DSTYK: variants seen among roughly 807,000 people sequenced by gnomAD.
The protein encoded by DSTYK is dual serine/threonine and tyrosine protein kinase, also known as RIP-homologous kinase.
DSTYK carries 34 observed loss-of-function variants against 98.7 expected under a neutral mutation model. That is an observed-to-expected ratio of 0.34 (90% CI 0.26 to 0.46). DSTYK has a LOEUF of 0.46. DSTYK is among the 20% of genes least tolerant of loss of function. DSTYK has a pLI of 1.00. For synonymous variants in DSTYK, 462 were observed against 457.3 expected (o/e 1.01, Z -0.13); for missense variants, 962 against 1,181.7 (o/e 0.81, Z 2.73).
intron 10 of DSTYK, among the ~76,000 whole-genome samples, chr1:205,154,928 C>G (rs1236548018): frequency 6.6e-6 from 1 of 152,114 alleles, no homozygotes; most frequent in Non-Finnish European, 1.5e-5. Context: ...ATCCGTGGAA[C>G]TTGAACTTGA....
chr1:205,202,715 A>G, intron 1 of DSTYK: 1 of 856,194 alleles, frequency 1.2e-6, no homozygotes, highest in Non-Finnish European at 1.9e-6. Context: ...AAGAAACTGA[A>G]GAAACAAAAA....
At position 205,147,758 on chromosome 1, in the gene DSTYK, G is replaced by T. The variant is rs1465894001; in HGVS notation, c.2603-13C>A. On this transcript the variant is annotated splice_polypyrimidine_tract_variant and intron_variant, in intron 12 of 12. Coordinates refer to ENST00000367162, the MANE Select transcript of DSTYK (RefSeq NM_015375.3). ...TCTGGGCGAGCCCCTAGAGAAAGGA[G>T]CATGGAAACAAGATCACAGTGAGAG... 6.2e-7 allele frequency: 1 copy of T among 1,609,568 alleles called. No homozygotes were observed. Among genetic ancestry groups the T allele is most frequent in the African/African-American group, 1.3e-5 (1 of 74,848 alleles).
chr1:205,163,543 T>C (rs1442259926), intron 4 of DSTYK, among the ~76,000 whole-genome samples, 180 bp downstream of exon 4: 2 of 152,084 alleles, frequency 1.3e-5, no homozygotes, highest in Non-Finnish European at 2.9e-5. Flanking sequence ...TAACTGCAGT[T>C]TTACAGCTCA....
rs1657265159 is a variant in DSTYK at position 205,147,296 on chromosome 1, C to G, written c.*262G>C. The G allele has an allele frequency of 2.9e-6, 1 of 339,604 alleles. No individual in the cohort carries two copies. The highest frequency in any genetic ancestry group is 2.0e-5 in the African/African-American group (1 of 49,420). 21.0% of individuals were successfully genotyped at this position (339,604 alleles called of 1,614,324 possible). ...CTTTTCATTTGTGAAGCCAGAACACCACATTCCTCAGCTTTTACACATCTG... is the reference window on the plus strand; with the variant it reads ...CTTTTCATTTGTGAAGCCAGAACACGACATTCCTCAGCTTTTACACATCTG... On this transcript the variant is annotated 3_prime_UTR_variant, in exon 13 of 13. Coordinates refer to ENST00000367162, the MANE Select transcript of DSTYK (RefSeq NM_015375.3).
chr1:205,205,865 C>A (rs919930892), intron 1 of DSTYK, among the ~76,000 whole-genome samples: 24 of 152,186 alleles, frequency 1.6e-4, no homozygotes, highest in Admixed American at 1.1e-3. Context: ...TGTAAGCTCA[C>A]CAAAGGCAAA....
chr1:205,208,615 T>C (rs1659274859), intron 1 of DSTYK, among the ~76,000 whole-genome samples: 1 of 152,196 alleles, frequency 6.6e-6, no homozygotes, highest in South Asian at 2.1e-4. Flanking sequence ...GGCTGATTAC[T>C]GTAATTCCAG....
chr1:205,189,033 A>G (rs878977278), intron 1 of DSTYK, among the ~76,000 whole-genome samples: 3 of 152,210 alleles, frequency 2.0e-5, no homozygotes, highest in African/African-American at 4.8e-5. Flanking sequence ...TGTTACCCAC[A>G]TATCGAAATA....
rs553711272 is a variant in DSTYK, at chr1:205,189,132, T to A, written c.266-1326A>T. Among the ~76,000 whole-genome samples, 8 of 142,148 alleles carry A rather than the reference T, an allele frequency of 5.6e-5. No individual in the cohort carries two copies. In the East Asian group the frequency reaches 1.4e-3, roughly 25 times the overall value. 93.3% of individuals were successfully genotyped at this position (142,148 alleles called of 152,430 possible). Reference sequence around the variant, plus strand: ...ACCCTTACGTTTTGTACAAAAAAAATAAAAAATAAAAATCTAAAACAAAAA... The same window carrying A: ...ACCCTTACGTTTTGTACAAAAAAAAAAAAAAATAAAAATCTAAAACAAAAA... On this transcript the variant is annotated intron_variant, in intron 1 of 12. Transcript: ENST00000367162.
intron 3 of DSTYK, among the ~76,000 whole-genome samples, chr1:205,164,714 GC>G (rs1271060422): frequency 2.0e-5 from 3 of 152,128 alleles, no homozygotes; most frequent in African/African-American, 7.2e-5. Flanking sequence ...GCCCACCTCG[GC>G]CTCCCAAAGT....
intron 10 of DSTYK, among the ~76,000 whole-genome samples, chr1:205,153,037 C>A (rs1657449039): frequency 6.6e-6 from 1 of 152,202 alleles, no homozygotes; most frequent in Admixed American, 6.5e-5. Flanking sequence ...GACCCCAGGG[C>A]AGAAAGTTGA....
At position 205,146,235 on chromosome 1, in the gene DSTYK, T is replaced by C. The variant is rs1221888018; in HGVS notation, c.*1323A>G. 6.6e-6 allele frequency: 1 copy of C among 152,192 alleles called. No individual in the cohort carries two copies. The highest frequency in any genetic ancestry group is 1.5e-5 in the Non-Finnish European group (1 of 68,042). The allele number at this position is 152,192 out of a possible 1,614,324, so 9.4% of individuals were successfully genotyped here. On this transcript the variant is annotated 3_prime_UTR_variant, in exon 13 of 13. Coordinates refer to ENST00000367162, the MANE Select transcript of DSTYK (RefSeq NM_015375.3). ...ACACAAAAAGAAAAATTTCTGATTGTGTTAAGTTTTAAAAACAAGCTGGTT... is the reference window on the plus strand; with the variant it reads ...ACACAAAAAGAAAAATTTCTGATTGCGTTAAGTTTTAAAAACAAGCTGGTT...
intron 2 of DSTYK, among the ~76,000 whole-genome samples, chr1:205,180,816 A>C (rs1334187047): frequency 6.6e-6 from 1 of 152,160 alleles, no homozygotes; most frequent in African/African-American, 2.4e-5. Flanking sequence ...ATAGGGATTA[A>C]AAAAAATTAT....
Position 205,180,960 on chromosome 1 carries a change from G to A in DSTYK, c.654+6458C>T, listed in dbSNP as rs1023031890. Among the ~76,000 whole-genome samples the A allele has an allele frequency of 5.3e-4, 80 of 152,304 alleles. No homozygotes were observed. In the Middle Eastern group the frequency reaches 0.017, roughly 32 times the overall value. On this transcript the variant is annotated intron_variant, in intron 2 of 12. Transcript: ENST00000367162. ...TGCTAGTGCATGCTAGGGTAAAGGT[G>A]AGAGAGATATTAAAAACAAAATAGG...
chr1:205,175,258 A>AT (rs933191688), intron 2 of DSTYK, among the ~76,000 whole-genome samples: 5 of 151,448 alleles, frequency 3.3e-5, no homozygotes, highest in African/African-American at 1.2e-4. Flanking sequence ...ACGCCCGGCA[A>AT]TTTTTTTGTA....
intron 2 of DSTYK, among the ~76,000 whole-genome samples, chr1:205,174,513 C>CAAA (rs1161752883): frequency 1.0e-5 from 1 of 97,122 alleles, no homozygotes; most frequent in Non-Finnish European, 2.0e-5. Flanking sequence ...ACTCCGTCTC[C>CAAA]AAAAAAAAAA....
intron 10 of DSTYK, among the ~76,000 whole-genome samples, chr1:205,155,806 A>G (rs1657541735): frequency 6.6e-6 from 1 of 152,228 alleles, no homozygotes; most frequent in Non-Finnish European, 1.5e-5. Flanking sequence ...AGGGCATGTC[A>G]GAGACCTTAA....
At chr1:205,208,930 C>T (rs749757395) in intron 1 of DSTYK, among the ~76,000 whole-genome samples, 2 of 152,150 alleles carry the variant, frequency 1.3e-5, no homozygotes, top group African/African-American at 4.8e-5. Context: ...AAACTCTCCA[C>T]GCTGAAAGGA....
rs35775611 is a variant in DSTYK, at chr1:205,181,656, T to TTGTGTGTG, written c.654+5754_654+5761dup. 2.8e-3 allele frequency among the ~76,000 whole-genome samples: 403 copies of TTGTGTGTG among 142,632 alleles called. 3 individuals carry two copies. Among genetic ancestry groups the TTGTGTGTG allele is most frequent in the African/African-American group, 9.9e-3 (371 of 37,600 alleles). The allele number at this position is 142,632 out of a possible 152,430, so 93.6% of individuals were successfully genotyped here. ...AGATGTGAGCCACAGATGTTGGGGT[T>TTGTGTGTG]TGTGTGTGTGTGTGTGTGTGTGTGT... On this transcript the variant is annotated intron_variant, in intron 2 of 12. Transcript: ENST00000367162.
At chr1:205,206,144 G>A (rs1287660980) in intron 1 of DSTYK, among the ~76,000 whole-genome samples, 1 of 152,160 alleles carries the variant, frequency 6.6e-6, no homozygotes. Context: ...TAAGGCCAAG[G>A]CCAATGTCTT....
Sources: gnomAD v4.1 joint callset for allele counts (sites outside exome capture counted in the v4.1 genomes callset) on GRCh38, gnomAD v4.1.1 for gene constraint, MANE v1.5 for transcripts, NCBI Gene and HGNC (gene_info 2026-07-23, HGNC 2026-07-21) for gene names.